CBFA2T2: variants seen among roughly 807,000 people sequenced by gnomAD.
The protein encoded by CBFA2T2 is CBFA2/RUNX1 partner transcriptional co-repressor 2.
Under a neutral mutation model 62.2 loss-of-function variants are expected in CBFA2T2, and 11 were observed. The observed-to-expected ratio is 0.18, with a 90% CI of 0.11 to 0.29. The LOEUF (loss-of-function observed/expected upper bound fraction) is 0.29, where lower values mean the gene tolerates loss of function less well. Among genes scored for constraint, CBFA2T2 ranks in the 10% least tolerant of loss-of-function variants. The pLI, the probability that CBFA2T2 is intolerant of heterozygous loss-of-function variation, is 1.00. For synonymous variants in CBFA2T2, 295 were observed against 287.5 expected, an observed-to-expected ratio of 1.03 and a Z score of -0.27; for missense variants, 592 against 774.1, an observed-to-expected ratio of 0.76 and a Z score of 2.79.
At chr20:33,558,798 A>G (rs893331366) in intron 1 of CBFA2T2, among the ~76,000 whole-genome samples, 3 of 151,462 alleles carry the variant, frequency 2.0e-5, no homozygotes, top group Non-Finnish European at 4.4e-5. Context: ...TTATTTCAAT[A>G]GAGATCAATT....
intron 1 of CBFA2T2, among the ~76,000 whole-genome samples, chr20:33,589,029 C>T (rs1295161334): frequency 6.6e-6 from 1 of 152,068 alleles, no homozygotes; most frequent in South Asian, 2.1e-4. Flanking sequence ...TAAAAAAATG[C>T]ATTTGATTAA....
intron 8 of CBFA2T2, among the ~76,000 whole-genome samples, chr20:33,635,633 T>C (rs2037619426): frequency 6.6e-6 from 1 of 152,164 alleles, no homozygotes; most frequent in African/African-American, 2.4e-5. Flanking sequence ...TTTGGGAGAC[T>C]GAGACAGGAA....
intron 1 of CBFA2T2, among the ~76,000 whole-genome samples, chr20:33,554,485 G>A (rs940825687): frequency 2.6e-5 from 4 of 151,686 alleles, no homozygotes; most frequent in African/African-American, 9.7e-5. Context: ...CTGACCTCAA[G>A]TGATCTGCCC....
At chr20:33,492,069 A>G (rs1053041601) in intron 1 of CBFA2T2, among the ~76,000 whole-genome samples, 5 of 152,024 alleles carry the variant, frequency 3.3e-5, no homozygotes, top group African/African-American at 9.7e-5. Context: ...TTTTTAGTAG[A>G]GACGGTTTTA....
intron 1 of CBFA2T2, among the ~76,000 whole-genome samples, chr20:33,569,733 G>A (rs1486146686): frequency 1.3e-5 from 2 of 152,150 alleles, no homozygotes; most frequent in African/African-American, 2.4e-5. Flanking sequence ...TGAGTTTACA[G>A]CATTTTAAAT....
intron 1 of CBFA2T2, among the ~76,000 whole-genome samples, chr20:33,597,949 C>T (rs977118253): frequency 3.9e-5 from 6 of 152,076 alleles, no homozygotes; most frequent in South Asian, 4.1e-4. Flanking sequence ...TAAAGCTGGG[C>T]GTCCAGGGGA....
intron 8 of CBFA2T2, among the ~76,000 whole-genome samples, chr20:33,633,340 C>T (rs986368066): frequency 4.0e-5 from 6 of 151,244 alleles, no homozygotes; most frequent in African/African-American, 1.5e-4. Context: ...CACTGCACTC[C>T]AGCCTGAGCA....
chr20:33,590,044 G>C (rs1375226664), intron 1 of CBFA2T2, among the ~76,000 whole-genome samples: 2 of 151,750 alleles, frequency 1.3e-5, no homozygotes, highest in African/African-American at 4.8e-5. Context: ...CTTGAGGCCA[G>C]GAGTTTGAGA....
chr20:33,593,356 T>C (rs531977125), intron 1 of CBFA2T2, among the ~76,000 whole-genome samples: 1 of 151,056 alleles, frequency 6.6e-6, no homozygotes, highest in East Asian at 1.9e-4. Flanking sequence ...AAAAACCTAT[T>C]ACATAATAAA....
At chr20:33,534,650 T>C (rs1434894200) in intron 1 of CBFA2T2, among the ~76,000 whole-genome samples, 1 of 152,034 alleles carries the variant, frequency 6.6e-6, no homozygotes, top group African/African-American at 2.4e-5. Flanking sequence ...TATAATCAGG[T>C]ATATGCTTTG....
intron 1 of CBFA2T2, among the ~76,000 whole-genome samples, chr20:33,533,084 C>T (rs2012104610): frequency 6.6e-6 from 1 of 152,050 alleles, no homozygotes; most frequent in Non-Finnish European, 1.5e-5. Context: ...ATCACTTTTC[C>T]CCCCTTACAT....
chr20:33,559,172 C>CTTTTTTTTTTTTTTTTTTTTTTTTTTTTT lies in CBFA2T2; in HGVS notation c.35-47763_35-47762insTTTTTTTTTTTTTTTTTTTTTTTTTTTTT, dbSNP rs376048540. 6.8e-5 allele frequency among the ~76,000 whole-genome samples: 6 copies of CTTTTTTTTTTTTTTTTTTTTTTTTTTTTT among 87,626 alleles called. 1 individual carries two copies. Among genetic ancestry groups the CTTTTTTTTTTTTTTTTTTTTTTTTTTTTT allele is most frequent in the African/African-American group, 2.6e-4 (5 of 19,070 alleles). 57.5% of individuals were successfully genotyped at this position (87,626 alleles called of 152,430 possible). On this transcript the variant is annotated intron_variant, in intron 1 of 10. Transcript: ENST00000342704. ...CAATTGCAGCTTCTTTTTTTCCTTT[C>CTTTTTTTTTTTTTTTTTTTTTTTTTTTTT]TTTTTTTTTTTTTTTTTTTTTCTGA...
intron 1 of CBFA2T2, among the ~76,000 whole-genome samples, chr20:33,558,536 C>T (rs1200473676): frequency 2.6e-5 from 4 of 152,210 alleles, no homozygotes; most frequent in Middle Eastern, 3.4e-3. Flanking sequence ...TCCACATTCT[C>T]GACTTTGCTA....
intron 5 of CBFA2T2, among the ~76,000 whole-genome samples, chr20:33,624,303 C>A (rs2016130269): frequency 1.4e-5 from 2 of 144,146 alleles, no homozygotes; most frequent in African/African-American, 2.6e-5. Context: ...CCTGCTACTA[C>A]ACAATTGGAC....
At chr20:33,603,790 C>A (rs772840100) in intron 1 of CBFA2T2, among the ~76,000 whole-genome samples, 29 of 152,130 alleles carry the variant, frequency 1.9e-4, no homozygotes, top group Non-Finnish European at 3.2e-4. Context: ...TGGGATCCAG[C>A]TAGAATATAG....
chr20:33,536,421 G>T (rs1305295578), intron 1 of CBFA2T2, among the ~76,000 whole-genome samples: 1 of 149,858 alleles, frequency 6.7e-6, no homozygotes, highest in Non-Finnish European at 1.5e-5. Context: ...CTGGCCGGGC[G>T]GGGGGCTGAC....
chr20:33,618,173 C>CTTTTTT (rs58066954), intron 3 of CBFA2T2, among the ~76,000 whole-genome samples: 5 of 138,338 alleles, frequency 3.6e-5, no homozygotes, highest in Admixed American at 7.2e-5. Flanking sequence ...ATATATTTTC[C>CTTTTTT]TTTTTTTTTT....
intron 8 of CBFA2T2, among the ~76,000 whole-genome samples, chr20:33,634,055 G>A (rs1469647812): frequency 2.0e-5 from 3 of 152,002 alleles, no homozygotes; most frequent in African/African-American, 2.4e-5. Flanking sequence ...TGCAACCTCC[G>A]CCTTTTGGCT....
intron 1 of CBFA2T2, among the ~76,000 whole-genome samples, chr20:33,564,431 T>C (rs2013211412): frequency 6.6e-6 from 1 of 152,046 alleles, no homozygotes; most frequent in East Asian, 1.9e-4. Context: ...CTAATTTTTG[T>C]ATTTTTAGTA....
Sources: allele counts gnomAD v4.1 joint callset (sites outside exome capture counted in the v4.1 genomes callset), GRCh38; gene constraint gnomAD v4.1.1; transcripts MANE v1.5; gene names NCBI Gene and HGNC (gene_info 2026-07-23, HGNC 2026-07-21).